Variants in SCNN1D observed in about 807,000 individuals in gnomAD.
The protein encoded by SCNN1D is sodium channel epithelial 1 subunit delta.
In SCNN1D, 104 loss-of-function variants were observed where a neutral mutation model predicts 87.8. The ratio of observed to expected loss-of-function variants is 1.18; its 90% CI spans 1.01 to 1.39. The LOEUF is 1.39. SCNN1D is among the 40% of genes most tolerant of loss of function. The pLI, the probability that SCNN1D is intolerant of heterozygous loss-of-function variation, is 0.00. For missense variants in SCNN1D, 1,324 were observed against 1,093.9 expected (o/e 1.21, Z -2.97); for synonymous variants, 628 against 481.2 (o/e 1.31, Z -3.99).
rs1441627885 is a variant in SCNN1D, at chr1:1,290,284, C to A, written c.1676C>A (p.Ser559Tyr). ...CCCTGTCCCCAGGCCTGCCTGGTGT[C>A]CTGCTTCCAGCAGCTGATGGTGGAG... The part of the protein sequence containing the change: ...TSYTRQACLV[S>Y]CFQQLMVETC... The change falls in exon 13 of 18, where the codon TCC (serine) becomes TAC (tyrosine). Residue 559 changes from serine (S) to tyrosine (Y), a missense_variant. Transcript: ENST00000379116. 2 of 1,569,226 alleles carry A rather than the reference C, an allele frequency of 1.3e-6. No individual in the cohort carries two copies. The highest frequency in any genetic ancestry group is 2.7e-5 in the African/African-American group (2 of 74,094).
intron 3 of SCNN1D, 134 bp downstream of exon 3, chr1:1,281,744 T>G (rs1640475592): frequency 6.1e-6 from 5 of 813,534 alleles, no homozygotes; most frequent in South Asian, 1.8e-5. Context: ...AGGGGTGCTC[T>G]GCCCCCGGCC....
chr1:1,285,132 C>T (rs1640561324), intron 5 of SCNN1D, among the ~76,000 whole-genome samples: 1 of 152,202 alleles, frequency 6.6e-6, no homozygotes. Context: ...GCGGCCCACA[C>T]ACCCGAGGGG....
At chr1:1,285,768 G>A (rs372817345) in intron 6 of SCNN1D, 104 bp downstream of exon 6, 43 of 1,207,116 alleles carry the variant, frequency 3.6e-5, no homozygotes, top group South Asian at 1.4e-4. Context: ...GGGTGTATCC[G>A]GGGAGAAGGG....
In SCNN1D at chr1:1,287,828, A is replaced by G; in HGVS notation, c.1555A>G (p.Ile519Val). The change falls in exon 11 of 18, where the codon ATC becomes GTC. Residue 519 changes from isoleucine (I) to valine (V), a missense_variant. Transcript: ENST00000379116. ...VRPGTEATIS[I>V]REDEVHRLGS... ...GCCAGGGACGGAGGCCACCATCAGC[A>G]TCCGAGAGGTGAGCTGGCCTCTGCA... 1 of 1,550,392 alleles carries G rather than the reference A, an allele frequency of 6.4e-7. No individual in the cohort carries two copies.
At chr1:1,288,658 CT>C (rs1640690364) in intron 12 of SCNN1D, among the ~76,000 whole-genome samples, 2 of 120,314 alleles carry the variant, frequency 1.7e-5, no homozygotes, top group African/African-American at 6.9e-5. Flanking sequence ...CGTGTCTCTG[CT>C]CCGTCCCGTG....
intron 9 of SCNN1D, 22 bp downstream of exon 9, chr1:1,287,321 C>A: frequency 1.3e-6 from 2 of 1,548,536 alleles, no homozygotes; most frequent in Non-Finnish European, 1.7e-6. Flanking sequence ...GGGCGGGGGC[C>A]ACTCCTTCCG....
intron 3 of SCNN1D, chr1:1,281,904 A>G: frequency 1.8e-6 from 1 of 563,490 alleles, no homozygotes; most frequent in Non-Finnish European, 3.1e-6. Flanking sequence ...CCGGGGACAC[A>G]GGGAGGCACA....
intron 12 of SCNN1D, 136 bp downstream of exon 12, chr1:1,288,173 A>G (rs533979018): frequency 4.7e-6 from 3 of 632,584 alleles, no homozygotes; most frequent in Non-Finnish European, 8.0e-6. Context: ...GGAGGCCCGC[A>G]CTCCATCCCC....
In SCNN1D at chr1:1,285,906, T is replaced by C; in HGVS notation, c.559-20T>C. 6.5e-7 allele frequency: 1 copy of C among 1,530,668 alleles called. No homozygotes were observed. The highest frequency in any genetic ancestry group is 8.8e-7 in the Non-Finnish European group (1 of 1,136,728). The allele number at this position is 1,530,668 out of a possible 1,614,324, so 94.8% of individuals were successfully genotyped here. ...TGAGTGGGTGCAGGCCGGGCCCTGC[T>C]GAGGCCACTCTGCACACAGGCTGCA... On this transcript the variant is annotated intron_variant, in intron 6 of 17. Transcript: ENST00000379116.
In SCNN1D at chr1:1,290,330, C is replaced by A; in HGVS notation, c.1722C>A (p.Tyr574Ter). ...LMVETCSCGY[Y>*]LHPLPAGAEY... is the part of the protein sequence containing the mutation. Reference sequence around the variant, plus strand: ...TGGAGACCTGCTCCTGTGGCTACTACCTCCACCCTCTGCCGGCGGGGGCTG... The same window carrying A: ...TGGAGACCTGCTCCTGTGGCTACTAACTCCACCCTCTGCCGGCGGGGGCTG... Residue 574 changes from tyrosine (Y) to a stop codon, truncating the protein, a stop_gained, in exon 13 of 18, where the codon TAC becomes TAA. Coordinates refer to ENST00000379116, the MANE Select transcript of SCNN1D (RefSeq NM_001130413.4). LOFTEE classifies it high-confidence loss of function. 1.9e-6 allele frequency: 3 copies of A among 1,595,556 alleles called. No individual in the cohort carries two copies. Among genetic ancestry groups the A allele is most frequent in the Non-Finnish European group, 2.6e-6 (3 of 1,169,440 alleles).
intron 12 of SCNN1D, among the ~76,000 whole-genome samples, 188 bp downstream of exon 12, chr1:1,288,225 GTCTCTGCTCCGTCCCGTGTC>G (rs1640658090): frequency 2.8e-5 from 4 of 143,622 alleles, no homozygotes; most frequent in African/African-American, 7.9e-5. Context: ...TCCGTCCCGT[GTCTCTGCTCCGTCCCGTGTC>G]TCTGCTCCGT....
rs765367430 is a variant in SCNN1D, at chr1:1,287,804, C to G, written c.1531C>G (p.Pro511Ala). The G allele has an allele frequency of 1.9e-6, 3 of 1,576,050 alleles. No homozygotes were observed. The Admixed American group carries it at 5.5e-5, about 29-fold the overall frequency. ...FLGHHSFSVR[P>A]GTEATISIRE... ...GGGGCACCACAGCTTCAGCGTCCGG[C>G]CAGGGACGGAGGCCACCATCAGCAT... Residue 511 changes from proline (P) to alanine (A), a missense_variant, in exon 11 of 18, where the codon CCA becomes GCA. Transcript: ENST00000379116.
In SCNN1D at chr1:1,291,173, G is replaced by A. The variant is rs1216274549; in HGVS notation, c.2052+33G>A. The A allele has an allele frequency of 3.1e-6, 5 of 1,604,296 alleles. No homozygotes were observed. In the East Asian group the frequency reaches 6.7e-5, roughly 22 times the overall value. ...TTGGCCCCCTGCCTGGGCTAGAGCG[G>A]GGGCAGCGACAGTGGCTGGCCCTGC... On this transcript the variant is annotated intron_variant, in intron 17 of 17. Coordinates refer to ENST00000379116, the MANE Select transcript of SCNN1D (RefSeq NM_001130413.4).
rs150658827 is a variant in SCNN1D at position 1,287,756 on chromosome 1, G to A, written c.1483G>A (p.Gly495Ser). 7.5e-6 allele frequency: 12 copies of A among 1,603,846 alleles called. No individual in the cohort carries two copies. Among genetic ancestry groups the A allele is most frequent in the Middle Eastern group, 3.3e-4 (2 of 6,066 alleles). ...TLAGIRVMVH[G>S]RNHTPFLGHH... ...GGCCGGCATCAGGGTCATGGTTCAC[G>A]GCCGTAACCACACGCCCTTCCTGGG... Residue 495 changes from glycine (G) to serine (S), a missense_variant, in exon 11 of 18, where the codon GGC (glycine) becomes AGC (serine). Coordinates refer to ENST00000379116, the MANE Select transcript of SCNN1D (RefSeq NM_001130413.4).
chr1:1,288,237 T>TCC (rs772579737), intron 12 of SCNN1D, among the ~76,000 whole-genome samples, 200 bp downstream of exon 12: 1,268 of 110,868 alleles, frequency 0.011, 10 homozygotes, highest in African/African-American at 0.014. Flanking sequence ...CTCTGCTCCG[T>TCC]CCCGTGTCTC....
At chr1:1,288,203 CT>C (rs1248576425) in intron 12 of SCNN1D, among the ~76,000 whole-genome samples, 166 bp downstream of exon 12, 5 of 150,692 alleles carry the variant, frequency 3.3e-5, no homozygotes, top group Admixed American at 6.6e-5. Context: ...GCTCCATTCC[CT>C]GTGTCTCTGC....
intron 12 of SCNN1D, among the ~76,000 whole-genome samples, chr1:1,288,255 T>TCC (rs200074609): frequency 1.4e-3 from 155 of 112,054 alleles, no homozygotes; most frequent in African/African-American, 2.1e-3. Context: ...CTCTGCTCCG[T>TCC]CCCGTGTCTC....
intron 1 of SCNN1D, 37 bp downstream of exon 1, chr1:1,280,703 T>C (rs774073113): frequency 7.6e-5 from 53 of 700,326 alleles, no homozygotes; most frequent in Non-Finnish European, 1.1e-4. Context: ...GCTGAGCTAG[T>C]TTTTCAGGTT....
Position 1,282,298 on chromosome 1 carries a change from T to A in SCNN1D, c.334T>A (p.Ser112Thr). 1 of 1,550,104 alleles carries A rather than the reference T, an allele frequency of 6.5e-7. No homozygotes were observed. The change falls in exon 4 of 18, where the codon TCC (serine) becomes ACC (threonine). Residue 112 changes from serine (S) to threonine (T), a missense_variant. Physicochemically the swap from Ser to Thr is moderately conservative, Grantham distance 58. Coordinates refer to ENST00000379116, the MANE Select transcript of SCNN1D (RefSeq NM_001130413.4). ...CAGGACGTCACCGGTGGCAGCTGCT[T>A]CCTTCCAGAGCCGGCAGGCAGGTGA... ...LSRTSPVAAASFQSRQEARGS... is the reference protein window; with the variant it reads ...LSRTSPVAAATFQSRQEARGS...
Sources: gnomAD v4.1 joint callset for allele counts (sites outside exome capture counted in the v4.1 genomes callset) on GRCh38, gnomAD v4.1.1 for gene constraint, MANE v1.5 for transcripts, NCBI Gene and HGNC (gene_info 2026-07-23, HGNC 2026-07-21) for gene names.